The following SMG6 variants were observed in gnomAD, a reference collection of about 807,000 sequenced individuals.
SMG6 encodes telomerase-binding protein EST1A.
In SMG6, 66 loss-of-function variants were observed where a neutral mutation model predicts 142.2. The ratio of observed to expected loss-of-function variants is 0.46; its 90% CI spans 0.38 to 0.57. SMG6 has a LOEUF of 0.57. Ranked by LOEUF, SMG6 falls within the 20% of genes least tolerant of loss-of-function variation. The pLI is 0.00. For synonymous variants in SMG6, 779 were observed against 702.4 expected, an observed-to-expected ratio of 1.11 and a Z score of -1.72; for missense variants, 1,793 against 1,832.0, an observed-to-expected ratio of 0.98 and a Z score of 0.39.
At chr17:2,283,774 T>A (rs1414468369) in intron 6 of SMG6, 39 bp from the exon 7 acceptor site, 5 of 1,522,056 alleles carry the variant, frequency 3.3e-6, no homozygotes, top group African/African-American at 1.4e-5. Context: ...CAACCAATTC[T>A]CGTCCTAACT....
chr17:2,205,120 G>A (rs536059561), intron 10 of SMG6, among the ~76,000 whole-genome samples: 41 of 152,178 alleles, frequency 2.7e-4, no homozygotes, highest in African/African-American at 9.6e-4. Flanking sequence ...CCAGGCTGGA[G>A]TGCAATGGCG....
chr17:2,200,826 C>T (rs916160849), intron 10 of SMG6, among the ~76,000 whole-genome samples: 4 of 152,262 alleles, frequency 2.6e-5, no homozygotes, highest in Middle Eastern at 3.4e-3. Context: ...CCTCCCACCT[C>T]GGCCTCCCAA....
chr17:2,234,424 G>A (rs1305204309), intron 10 of SMG6, among the ~76,000 whole-genome samples: 1 of 151,460 alleles, frequency 6.6e-6, no homozygotes, highest in Non-Finnish European at 1.5e-5. Flanking sequence ...ACCAAGCGCA[G>A]CTAATTTTTG....
At chr17:2,200,827 G>A (rs574441333) in intron 10 of SMG6, among the ~76,000 whole-genome samples, 4 of 151,968 alleles carry the variant, frequency 2.6e-5, no homozygotes, top group Non-Finnish European at 5.9e-5. Flanking sequence ...CTCCCACCTC[G>A]GCCTCCCAAC....
rs1348402024 is a variant in SMG6 at position 2,068,531 on chromosome 17, C to T, written c.3835+247G>A. Among the ~76,000 whole-genome samples, 1 of 152,208 alleles carries T rather than the reference C, an allele frequency of 6.6e-6. No individual in the cohort carries two copies. Among genetic ancestry groups the T allele is most frequent in the Non-Finnish European group, 1.5e-5 (1 of 68,038 alleles). On this transcript the variant is annotated intron_variant, in intron 16 of 18. Coordinates refer to ENST00000263073, the MANE Select transcript of SMG6 (RefSeq NM_017575.5). The surrounding 1 kb of genome is among the most constrained non-coding windows in gnomAD (Gnocchi z 6.7). The stretch of plus-strand genomic sequence containing the variant: ...AAAAACAAGGGCTGGGCTCATGCAG[C>T]CTCTGGTTGCTGGGACACAGGAGTC...
At chr17:2,083,976 T>G (rs1417780128) in intron 14 of SMG6, among the ~76,000 whole-genome samples, 1 of 152,174 alleles carries the variant, frequency 6.6e-6, no homozygotes, top group Admixed American at 6.5e-5. Flanking sequence ...ACAACCTTTG[T>G]CTGGTCAATA....
intron 13 of SMG6, chr17:2,087,192 G>A: frequency 7.7e-7 from 1 of 1,290,476 alleles, no homozygotes; most frequent in South Asian, 1.2e-5. Context: ...GGCAAGAATT[G>A]TAAGGACAAG....
At chr17:2,249,829 C>T (rs1182104061) in intron 8 of SMG6, among the ~76,000 whole-genome samples, 1 of 152,116 alleles carries the variant, frequency 6.6e-6, no homozygotes, top group Non-Finnish European at 1.5e-5. Context: ...AGCTCAAGTC[C>T]AAAACAAATT....
intron 13 of SMG6, among the ~76,000 whole-genome samples, chr17:2,139,545 C>T (rs1028418471): frequency 6.6e-6 from 1 of 151,470 alleles, no homozygotes; most frequent in Non-Finnish European, 1.5e-5. Context: ...CCTCAACTTC[C>T]CAAGGAGCTG....
rs2151386058 is a variant in SMG6, at chr17:2,065,798, G to A, written c.3836-119C>T. On this transcript the variant is annotated intron_variant, in intron 16 of 18. Coordinates refer to ENST00000263073, the MANE Select transcript of SMG6 (RefSeq NM_017575.5). ...GACCAGAATCCATCCTTCCCCCACA[G>A]GAGTCTTCCAATGAAACTAGGGCCG... 7.2e-6 allele frequency: 6 copies of A among 839,116 alleles called. No homozygotes were observed. In the Middle Eastern group the frequency reaches 1.7e-3, roughly 242 times the overall value. The allele number at this position is 839,116 out of a possible 1,614,324, so 52.0% of individuals were successfully genotyped here.
intron 8 of SMG6, among the ~76,000 whole-genome samples, chr17:2,280,113 C>T (rs1454083723): frequency 1.3e-5 from 2 of 151,816 alleles, no homozygotes; most frequent in Non-Finnish European, 2.9e-5. Flanking sequence ...TGTGTGTGTT[C>T]CAAGGAACAG....
rs184082248 is a variant in SMG6 at position 2,228,716 on chromosome 17, C to T, written c.2869+7776G>A. On this transcript the variant is annotated intron_variant, in intron 10 of 18. Coordinates refer to ENST00000263073, the MANE Select transcript of SMG6 (RefSeq NM_017575.5). Reference sequence around the variant, plus strand: ...ATACACACACATACATATATACATACTAGGTGATAACACTACAAAGAAAAG... The same window carrying T: ...ATACACACACATACATATATACATATTAGGTGATAACACTACAAAGAAAAG... 4.5e-3 allele frequency among the ~76,000 whole-genome samples: 689 copies of T among 152,294 alleles called. 3 individuals are homozygous for T. Among genetic ancestry groups the T allele is most frequent in the Non-Finnish European group, 7.9e-3 (538 of 68,018 alleles).
At chr17:2,128,725 G>A (rs2069990252) in intron 13 of SMG6, among the ~76,000 whole-genome samples, 2 of 150,966 alleles carry the variant, frequency 1.3e-5, no homozygotes, top group South Asian at 4.2e-4. Context: ...TTGGGAGACT[G>A]AGACAGGAGA....
chr17:2,086,989 C>G (rs187405246), intron 13 of SMG6: 1 of 1,285,990 alleles, frequency 7.8e-7, no homozygotes, highest in African/African-American at 1.5e-5. Context: ...GCCCCTGCCT[C>G]TCTTTTAATG....
At chr17:2,235,450 C>A (rs538339300) in intron 10 of SMG6, among the ~76,000 whole-genome samples, 2 of 152,134 alleles carry the variant, frequency 1.3e-5, no homozygotes, top group South Asian at 4.1e-4. Flanking sequence ...TGAAGCATAA[C>A]CCTTAAGTAC....
intron 10 of SMG6, among the ~76,000 whole-genome samples, chr17:2,195,987 T>C (rs2072312703): frequency 6.6e-6 from 1 of 152,124 alleles, no homozygotes. Flanking sequence ...CACAAAGAGC[T>C]CAGAGATGAT....
At chr17:2,086,034 C>T (rs536903018) in intron 13 of SMG6, 133 bp from the exon 14 acceptor site, 104 of 913,532 alleles carry the variant, frequency 1.1e-4, no homozygotes, top group Admixed American at 2.6e-4. Flanking sequence ...GAATGAATGA[C>T]GGGGTGCGGA....
chr17:2,238,727 G>A (rs1306839099), intron 9 of SMG6, among the ~76,000 whole-genome samples: 1 of 152,186 alleles, frequency 6.6e-6, no homozygotes, highest in Non-Finnish European at 1.5e-5. Flanking sequence ...CCTGGAGTAG[G>A]AATTGGAAAC....
Position 2,300,017 on chromosome 17 carries a change from G to A in SMG6, c.736C>T (p.Arg246Cys), listed in dbSNP as rs778121129. 66 of 1,614,030 alleles carry A rather than the reference G, an allele frequency of 4.1e-5. No individual in the cohort carries two copies. The highest frequency in any genetic ancestry group is 4.9e-5 in the Non-Finnish European group (58 of 1,180,038). The change falls in exon 2 of 19, where the codon CGC becomes TGC. Residue 246 changes from arginine (R) to cysteine (C), a missense_variant. Physicochemically the swap from Arg to Cys is radical, Grantham distance 180 (BLOSUM62 -3). Transcript: ENST00000263073. ...GRPGSAKRYS[R>C]SDKRRNRYRT... ...TAGCGATTCCTTCGTTTGTCTGAGCGGGAGTAGCGCTTTGCGGAGCCCGGC... is the reference window on the plus strand; with the variant it reads ...TAGCGATTCCTTCGTTTGTCTGAGCAGGAGTAGCGCTTTGCGGAGCCCGGC...
Sources: gnomAD v4.1 joint callset for allele counts (sites outside exome capture counted in the v4.1 genomes callset) on GRCh38, gnomAD v4.1.1 for gene constraint, Gnocchi (gnomAD v3.1) non-coding constraint, MANE v1.5 for transcripts, NCBI Gene and HGNC (gene_info 2026-07-23, HGNC 2026-07-21) for gene names.